Variants in CHD8 observed in about 807,000 individuals in gnomAD.
CHD8 encodes the protein chromodomain helicase DNA binding protein 8, also known as ATP-dependent chromatin remodeler CHD8.
In CHD8, 31 loss-of-function variants were observed where a neutral mutation model predicts 279.2. That is an observed-to-expected ratio of 0.11 (90% CI 0.08 to 0.15). The LOEUF is 0.15. CHD8 is among the 10% of genes least tolerant of loss of function. The pLI, the probability that CHD8 is intolerant of heterozygous loss-of-function variation, is 1.00. For synonymous variants in CHD8, 1,081 were observed against 1,139.6 expected (o/e 0.95, Z 1.04); for missense variants, 2,146 against 3,230.5 (o/e 0.66, Z 8.14).
chr14:21,419,923 C>T (rs1012533508), intron 5 of CHD8: 4 of 249,304 alleles, frequency 1.6e-5, no homozygotes, highest in South Asian at 4.2e-5. Flanking sequence ...GGTAAGTAGT[C>T]GGGCCGTGAG....
At chr14:21,423,684 G>A (rs996317319) in intron 5 of CHD8, among the ~76,000 whole-genome samples, 2 of 152,114 alleles carry the variant, frequency 1.3e-5, no homozygotes, top group Non-Finnish European at 2.9e-5. Context: ...TTACAGGTAT[G>A]AGCCACCATG....
intron 1 of CHD8, among the ~76,000 whole-genome samples, chr14:21,445,186 T>C (rs1424014042): frequency 6.6e-6 from 1 of 152,240 alleles, no homozygotes; most frequent in Non-Finnish European, 1.5e-5. Flanking sequence ...CAATTTATCA[T>C]GTTCATTTCC....
chr14:21,408,294 C>T lies in CHD8; in HGVS notation c.2730+18G>A, dbSNP rs1888338021. On this transcript the variant is annotated intron_variant, in intron 13 of 37. Transcript: ENST00000646647. This position sits in a 1 kb window ranked among gnomAD's most constrained non-coding sequence, Gnocchi z 4.3. ...CGACTTTCTCTAACTCATAGTATTC[C>T]CAAGACATGCAACTCACCCGTGAAT... is the stretch of plus-strand genomic sequence containing the variant. 1.2e-6 allele frequency: 2 copies of T among 1,606,788 alleles called. No homozygotes were observed. The highest frequency in any genetic ancestry group is 2.7e-5 in the African/African-American group (2 of 74,964).
chr14:21,431,709 T>TCTCCC lies in CHD8; in HGVS notation c.-71_-67dup. 1.2e-6 allele frequency: 2 copies of TCTCCC among 1,602,318 alleles called. No homozygotes were observed. Among genetic ancestry groups the TCTCCC allele is most frequent in the Non-Finnish European group, 1.7e-6 (2 of 1,173,844 alleles). Reference sequence around the variant, plus strand: ...AGGGAAGGGGAGGGGGGGTACTGGCTCTCCCCTCCCCTCCCCTATTAAGAA... The same window carrying TCTCCC: ...AGGGAAGGGGAGGGGGGGTACTGGCTCTCCCCTCCCCTCCCCTCCCCTATTAAGAA... On this transcript the variant is annotated 5_prime_UTR_variant, in exon 2 of 38. Transcript: ENST00000646647.
intron 1 of CHD8, among the ~76,000 whole-genome samples, chr14:21,450,896 G>A (rs373467329): frequency 3.9e-5 from 6 of 152,104 alleles, no homozygotes; most frequent in African/African-American, 1.4e-4. Flanking sequence ...CACATTTAAG[G>A]TGCTAACATA....
rs941045691 is a variant in CHD8 at position 21,415,137 on chromosome 14, T to C, written c.1969-144A>G. On this transcript the variant is annotated intron_variant, in intron 7 of 37. Coordinates refer to ENST00000646647, the MANE Select transcript of CHD8 (RefSeq NM_001170629.2). Reference sequence around the variant, plus strand: ...AGAGATTAAGGAACTAGTCTGGTACTTCAATAATAGAGGCCTGATAGCTGG... The same window carrying C: ...AGAGATTAAGGAACTAGTCTGGTACCTCAATAATAGAGGCCTGATAGCTGG... 3 of 628,252 alleles carry C rather than the reference T, an allele frequency of 4.8e-6. No homozygotes were observed. In the African/African-American group the frequency reaches 5.5e-5, roughly 12 times the overall value. 38.9% of individuals were successfully genotyped at this position (628,252 alleles called of 1,614,324 possible). A position where few individuals can be genotyped will look rare whatever the true frequency, so the allele number is the denominator to read the frequency against.
Position 21,402,938 on chromosome 14 carries a change from G to A in CHD8, c.3714+79C>T. 1 of 1,211,186 alleles carries A rather than the reference G, an allele frequency of 8.3e-7. No individual in the cohort carries two copies. Among genetic ancestry groups the A allele is most frequent in the Non-Finnish European group, 1.2e-6 (1 of 861,352 alleles). The allele number at this position is 1,211,186 out of a possible 1,614,324, so 75.0% of individuals were successfully genotyped here. On this transcript the variant is annotated intron_variant, in intron 18 of 37. Transcript: ENST00000646647. This position sits in a 1 kb window ranked among gnomAD's most constrained non-coding sequence, Gnocchi z 4.5. ...GAAACAATTCCAAACTCTGTGAAAGGTCTTTCTAAAAGATCCTATTCTTGT... is the reference window on the plus strand; with the variant it reads ...GAAACAATTCCAAACTCTGTGAAAGATCTTTCTAAAAGATCCTATTCTTGT...
intron 31 of CHD8, 22 bp from the exon 32 acceptor site, chr14:21,394,217 GA>G: frequency 6.2e-7 from 1 of 1,610,680 alleles, no homozygotes; most frequent in Non-Finnish European, 8.5e-7. Context: ...AGGAGTAGAA[GA>G]AATTAACAGA....
rs1176124334 is a variant in CHD8 at position 21,454,182 on chromosome 14, G to GAAAAGAA, written c.-216+1843_-216+1849dup. Among the ~76,000 whole-genome samples the GAAAAGAA allele has an allele frequency of 2.6e-3, 342 of 132,790 alleles. 2 individuals are homozygous for GAAAAGAA. The highest frequency in any genetic ancestry group is 4.4e-3 in the Non-Finnish European group (283 of 63,680). 87.1% of individuals were successfully genotyped at this position (132,790 alleles called of 152,430 possible). Reference sequence around the variant, plus strand: ...CAAAAAAAAAGAAAAGAAAAGAAAAGAAAAGAAAAGAAAAGAAAAGAAAAG... The same window carrying GAAAAGAA: ...CAAAAAAAAAGAAAAGAAAAGAAAAGAAAAGAAAAAAGAAAAGAAAAGAAAAGAAAAG... On this transcript the variant is annotated intron_variant, in intron 1 of 37. Transcript: ENST00000646647.
Position 21,402,937 on chromosome 14 carries a change from G to C in CHD8, c.3714+80C>G. 1.7e-6 allele frequency: 2 copies of C among 1,204,532 alleles called. No homozygotes were observed. The allele number at this position is 1,204,532 out of a possible 1,614,324, so 74.6% of individuals were successfully genotyped here. A position where few individuals can be genotyped will look rare whatever the true frequency, so the allele number is the denominator to read the frequency against. ...GGAAACAATTCCAAACTCTGTGAAA[G>C]GTCTTTCTAAAAGATCCTATTCTTG... is the stretch of plus-strand genomic sequence containing the variant. On this transcript the variant is annotated intron_variant, in intron 18 of 37. Coordinates refer to ENST00000646647, the MANE Select transcript of CHD8 (RefSeq NM_001170629.2). This position sits in a 1 kb window ranked among gnomAD's most constrained non-coding sequence, Gnocchi z 4.5.
intron 1 of CHD8, among the ~76,000 whole-genome samples, chr14:21,441,663 C>G (rs556499091): frequency 1.4e-4 from 21 of 151,514 alleles, no homozygotes; most frequent in Admixed American, 1.2e-3. Flanking sequence ...CCAAGGCGGG[C>G]ATATCACGAG....
chr14:21,394,497 A>C lies in CHD8; in HGVS notation c.5391-12T>G. 1 of 1,554,470 alleles carries C rather than the reference A, an allele frequency of 6.4e-7. No individual in the cohort carries two copies. Among genetic ancestry groups the C allele is most frequent in the Non-Finnish European group, 8.8e-7 (1 of 1,140,694 alleles). ...CACGCCTTGTCCATCTACAAAAGGAAAAGTAGGGCAACAATAATCAGAAGA... is the reference window on the plus strand; with the variant it reads ...CACGCCTTGTCCATCTACAAAAGGACAAGTAGGGCAACAATAATCAGAAGA... On this transcript the variant is annotated splice_polypyrimidine_tract_variant and intron_variant, in intron 30 of 37. Transcript: ENST00000646647.
At chr14:21,437,543 C>T (rs1436798830) in intron 1 of CHD8, among the ~76,000 whole-genome samples, 1 of 152,142 alleles carries the variant, frequency 6.6e-6, no homozygotes, top group Non-Finnish European at 1.5e-5. Flanking sequence ...CTACCATCTA[C>T]TCTGAATTCT....
At position 21,400,957 on chromosome 14, in the gene CHD8, G is replaced by A. The variant is rs1357785134; in HGVS notation, c.4288C>T (p.Pro1430Ser). 6.2e-7 allele frequency: 1 copy of A among 1,613,966 alleles called. No individual in the cohort carries two copies. Among genetic ancestry groups the A allele is most frequent in the East Asian group, 2.2e-5 (1 of 44,888 alleles). The change falls in exon 22 of 38, where the codon CCA becomes TCA. Residue 1430 changes from proline to serine, a missense_variant. Physicochemically the swap from Pro to Ser is moderately conservative, Grantham distance 74. Coordinates refer to ENST00000646647, the MANE Select transcript of CHD8 (RefSeq NM_001170629.2). The surrounding 1 kb of genome is among the most constrained non-coding windows in gnomAD (Gnocchi z 4.2). ...SDLESEDDER[P>S]RSRRHDRHHA... ...TGACGGTCATGTCTGCGGGAGCGTGGCCGCTCATCATCCTCACTTTCCAAA... is the reference window on the plus strand; with the variant it reads ...TGACGGTCATGTCTGCGGGAGCGTGACCGCTCATCATCCTCACTTTCCAAA...
intron 14 of CHD8, among the ~76,000 whole-genome samples, chr14:21,406,466 A>G (rs1888257782): frequency 6.6e-6 from 1 of 152,172 alleles, no homozygotes; most frequent in Non-Finnish European, 1.5e-5. Context: ...TCCAGATAAA[A>G]ACCAGCATCA....
chr14:21,437,356 A>C (rs1335765559), intron 1 of CHD8: 1 of 850,516 alleles, frequency 1.2e-6, no homozygotes, highest in Non-Finnish European at 1.5e-6. Context: ...AAACAGCGCA[A>C]AGGGTGGGAC....
In CHD8 at chr14:21,403,514, G is replaced by A; in HGVS notation, c.3457C>T (p.Leu1153=). ...CAGCGCACCATCTGAGAGAAGATCA[G>A]AACTTTATGGCCACCAGCTTTAAGC... ...PKLKAGGHKV[L]IFSQMVRCLD... The change falls in exon 17 of 38, where the codon CTG becomes TTG. Residue 1153 remains leucine (L), a synonymous_variant. Transcript: ENST00000646647. The surrounding 1 kb of genome is among the most constrained non-coding windows in gnomAD (Gnocchi z 4.3). 6.2e-7 allele frequency: 1 copy of A among 1,613,848 alleles called. No individual in the cohort carries two copies. Among genetic ancestry groups the A allele is most frequent in the South Asian group, 1.1e-5 (1 of 91,038 alleles).
At chr14:21,446,089 G>A (rs1312156502) in intron 1 of CHD8, among the ~76,000 whole-genome samples, 1 of 152,130 alleles carries the variant, frequency 6.6e-6, no homozygotes, top group Non-Finnish European at 1.5e-5. Context: ...CTACTTGGGA[G>A]GCTGAGGCAG....
Position 21,431,282 on chromosome 14 carries a change from T to G in CHD8, c.362A>C (p.Gln121Pro). ...CAGGATCTCCTGGCTCTTGGAGACT[T>G]GCAAAAGTCCTGATGTTGGCGTCGA... ...QTSTPTSGLL[Q>P]VSKSQEILSQ... Residue 121 changes from glutamine (Q) to proline (P), a missense_variant, in exon 2 of 38, where the codon CAA becomes CCA. Gln to Pro is a moderately conservative substitution (Grantham distance 76). Around this residue, in one of 26 missense-constraint regions of CHD8, gnomAD observed 302 missense variants for 325.5 expected, o/e 0.93. Transcript: ENST00000646647. 6.3e-7 allele frequency: 1 copy of G among 1,581,616 alleles called. No homozygotes were observed. The highest frequency in any genetic ancestry group is 8.5e-7 in the Non-Finnish European group (1 of 1,171,116).
Sources: allele counts gnomAD v4.1 joint callset (sites outside exome capture counted in the v4.1 genomes callset), GRCh38; gene constraint gnomAD v4.1.1; regional missense constraint gnomAD v4.1.1; non-coding constraint Gnocchi (gnomAD v3.1); transcripts MANE v1.5; gene names NCBI Gene and HGNC (gene_info 2026-07-23, HGNC 2026-07-21).